Variants in MYO9A observed in about 807,000 individuals in gnomAD.
The protein encoded by MYO9A is myosin IXA.
In MYO9A, 103 loss-of-function variants were observed where a neutral mutation model predicts 293.3. That is an observed-to-expected ratio of 0.35 (90% CI 0.30 to 0.41). MYO9A has a LOEUF of 0.41. Among genes scored for constraint, MYO9A ranks in the 10% least tolerant of loss-of-function variants. The pLI is 1.00. For synonymous variants in MYO9A, 1,001 were observed against 1,035.7 expected (o/e 0.97, Z 0.64); for missense variants, 2,685 against 3,033.0 (o/e 0.89, Z 2.69).
chr15:72,008,150 C>G (rs1470444263), intron 7 of MYO9A, among the ~76,000 whole-genome samples, 198 bp from the exon 8 acceptor site: 2 of 152,084 alleles, frequency 1.3e-5, no homozygotes, highest in Non-Finnish European at 2.9e-5. Context: ...CTTTTCATGG[C>G]CTTAAGTATA....
intron 19 of MYO9A, among the ~76,000 whole-genome samples, chr15:71,905,968 C>A (rs1167016526): frequency 6.6e-6 from 1 of 151,850 alleles, no homozygotes; most frequent in East Asian, 1.9e-4. Flanking sequence ...TGAGACATAT[C>A]TCCTTTTCTA....
intron 1 of MYO9A, among the ~76,000 whole-genome samples, chr15:72,092,967 T>C (rs1596554829): frequency 6.6e-6 from 1 of 150,448 alleles, no homozygotes; most frequent in East Asian, 2.0e-4. Context: ...CTAATTCCCA[T>C]CACCTAGATG....
intron 1 of MYO9A, among the ~76,000 whole-genome samples, chr15:72,090,814 C>G (rs940666638): frequency 6.6e-6 from 1 of 151,870 alleles, no homozygotes; most frequent in Non-Finnish European, 1.5e-5. Context: ...AAAAAAACTC[C>G]ATCACCTAGT....
chr15:71,930,448 A>G (rs2058444491), intron 18 of MYO9A, among the ~76,000 whole-genome samples: 1 of 152,070 alleles, frequency 6.6e-6, no homozygotes, highest in African/African-American at 2.4e-5. Context: ...TTTTATTATT[A>G]TATGTTGACC....
At chr15:72,114,728 G>A (rs1176391500) in intron 1 of MYO9A, among the ~76,000 whole-genome samples, 2 of 152,180 alleles carry the variant, frequency 1.3e-5, no homozygotes, top group African/African-American at 4.8e-5. Flanking sequence ...GGGGTCTAGA[G>A]CAAAGGCAAG....
At chr15:72,098,074 G>A (rs751687249) in intron 1 of MYO9A, among the ~76,000 whole-genome samples, 4 of 152,148 alleles carry the variant, frequency 2.6e-5, no homozygotes, top group African/African-American at 4.8e-5. Flanking sequence ...GTCCACACCA[G>A]CATATACCCC....
At chr15:71,873,615 T>C (rs2056592270) in intron 32 of MYO9A, among the ~76,000 whole-genome samples, 1 of 152,246 alleles carries the variant, frequency 6.6e-6, no homozygotes, top group African/African-American at 2.4e-5. Context: ...ACTAATTTAT[T>C]TTCAGCTTTG....
chr15:71,991,090 T>C lies in MYO9A; in HGVS notation c.1722+13A>G. The C allele has an allele frequency of 5.1e-6, 8 of 1,581,916 alleles. No homozygotes were observed. Among genetic ancestry groups the C allele is most frequent in the Non-Finnish European group, 6.9e-6 (8 of 1,166,082 alleles). ...TGATGGGGGGACAAGTGTATACATATTTAGGTACTCACTTGTTCCAATTTA... is the reference window on the plus strand; with the variant it reads ...TGATGGGGGGACAAGTGTATACATACTTAGGTACTCACTTGTTCCAATTTA... On this transcript the variant is annotated intron_variant, in intron 11 of 41. Coordinates refer to ENST00000356056, the MANE Select transcript of MYO9A (RefSeq NM_006901.4).
chr15:71,978,008 G>A (rs2076185241), intron 12 of MYO9A, among the ~76,000 whole-genome samples, 163 bp downstream of exon 12: 1 of 152,130 alleles, frequency 6.6e-6, no homozygotes, highest in South Asian at 2.1e-4. Context: ...ATGCACTCCA[G>A]CCTGGGTGAC....
intron 6 of MYO9A, among the ~76,000 whole-genome samples, chr15:72,011,530 G>T (rs1056562791): frequency 6.6e-6 from 1 of 152,014 alleles, no homozygotes; most frequent in African/African-American, 2.4e-5. Context: ...GGAAGGCTGA[G>T]GTAGGAGGAT....
At chr15:72,072,758 G>A (rs2150202843) in intron 1 of MYO9A, among the ~76,000 whole-genome samples, 1 of 152,200 alleles carries the variant, frequency 6.6e-6, no homozygotes, top group South Asian at 2.1e-4. Context: ...TGTGAGGAGG[G>A]GAGGAGGGAA....
chr15:71,978,922 C>T (rs1314742616), intron 11 of MYO9A, among the ~76,000 whole-genome samples: 2 of 151,904 alleles, frequency 1.3e-5, no homozygotes, highest in Non-Finnish European at 2.9e-5. Flanking sequence ...TTCTATTCAT[C>T]CTTGTGATAC....
chr15:71,958,684 C>CA (rs1173522643), intron 14 of MYO9A: 2 of 151,916 alleles, frequency 1.3e-5, no homozygotes, highest in Admixed American at 1.3e-4. Context: ...ATGTTGAATA[C>CA]AAATTTTCAA....
chr15:71,926,340 G>C (rs2058313208), intron 18 of MYO9A, among the ~76,000 whole-genome samples: 1 of 152,048 alleles, frequency 6.6e-6, no homozygotes, highest in African/African-American at 2.4e-5. Flanking sequence ...GAGGCTGGAG[G>C]ATCACTTGAA....
intron 16 of MYO9A, among the ~76,000 whole-genome samples, chr15:71,937,554 A>G (rs1373136902): frequency 6.6e-6 from 1 of 152,166 alleles, no homozygotes; most frequent in East Asian, 1.9e-4. Context: ...CTATTGCACA[A>G]TTGACAGACT....
At chr15:71,913,953 G>GT (rs2057934466) in intron 19 of MYO9A, among the ~76,000 whole-genome samples, 1 of 152,114 alleles carries the variant, frequency 6.6e-6, no homozygotes, top group African/African-American at 2.4e-5. Flanking sequence ...ACCAGAAATT[G>GT]TTAGGTCTAC....
chr15:72,046,653 A>G lies in MYO9A; in HGVS notation c.-71-19T>C, dbSNP rs1463600290. 5.6e-6 allele frequency: 8 copies of G among 1,434,180 alleles called. No individual in the cohort carries two copies. The highest frequency in any genetic ancestry group is 7.4e-6 in the Non-Finnish European group (8 of 1,082,822). The allele number at this position is 1,434,180 out of a possible 1,614,324, so 88.8% of individuals were successfully genotyped here. ...AAAATAACTGTAACATAAAAGATGC[A>G]AAATATTTAGAAGTAAATACACATT... is the stretch of plus-strand genomic sequence containing the variant. On this transcript the variant is annotated intron_variant, in intron 1 of 41. Coordinates refer to ENST00000356056, the MANE Select transcript of MYO9A (RefSeq NM_006901.4).
At chr15:72,000,073 A>G in intron 8 of MYO9A, 133 bp from the exon 9 acceptor site, 2 of 599,028 alleles carry the variant, frequency 3.3e-6, no homozygotes, top group Non-Finnish European at 5.5e-6. Flanking sequence ...AAGGCAATAC[A>G]CTGGGCAATT....
In MYO9A at chr15:71,998,545, GCTTT is replaced by G. The variant is rs1175116050; in HGVS notation, c.1470+1302_1470+1305del. ...GAAATATAAAACTCTTAAAGATTTG[GCTTT>G]CTTTTTTTTTTTTGTCTTTTTTTTT... On this transcript the variant is annotated intron_variant, in intron 9 of 41. Transcript: ENST00000356056. Among the ~76,000 whole-genome samples the G allele has an allele frequency of 2.7e-3, 349 of 128,062 alleles. 3 individuals carry two copies. Among genetic ancestry groups the G allele is most frequent in the African/African-American group, 9.0e-3 (315 of 34,944 alleles). 84.0% of individuals were successfully genotyped at this position (128,062 alleles called of 152,430 possible). A position where few individuals can be genotyped will look rare whatever the true frequency, so the allele number is the denominator to read the frequency against.
Sources: allele counts gnomAD v4.1 joint callset (sites outside exome capture counted in the v4.1 genomes callset), GRCh38; gene constraint gnomAD v4.1.1; transcripts MANE v1.5; gene names NCBI Gene and HGNC (gene_info 2026-07-23, HGNC 2026-07-21).